Variants in ANP32A observed in about 807,000 individuals in gnomAD.
ANP32A encodes acidic nuclear phosphoprotein 32 family member A.
A neutral mutation model predicts 33.9 loss-of-function variants in ANP32A; 1 was observed. That is an observed-to-expected ratio of 0.03 (90% CI 0.01 to 0.14). The LOEUF (loss-of-function observed/expected upper bound fraction) is 0.14. Ranked by LOEUF, ANP32A falls within the 10% of genes least tolerant of loss-of-function variation. The pLI is 1.00. For missense variants in ANP32A, 155 were observed against 306.0 expected (o/e 0.51, Z 3.68); for synonymous variants, 115 against 120.5 (o/e 0.95, Z 0.30).
chr15:68,814,484 G>GT (rs561587724), intron 1 of ANP32A, among the ~76,000 whole-genome samples: 2 of 152,060 alleles, frequency 1.3e-5, no homozygotes, highest in Admixed American at 6.5e-5. Context: ...GGCCAACTGT[G>GT]TAAGTCTAGA....
At chr15:68,817,845 G>C (rs1013264322) in intron 1 of ANP32A, 5 of 152,200 alleles carry the variant, frequency 3.3e-5, no homozygotes, top group Admixed American at 3.3e-4. Flanking sequence ...CCTCCGCGCG[G>C]GAGGCCGTCG....
chr15:68,788,722 C>T (rs917904528), intron 1 of ANP32A, among the ~76,000 whole-genome samples: 4 of 152,166 alleles, frequency 2.6e-5, no homozygotes, highest in African/African-American at 9.7e-5. Context: ...CCAGCATAGA[C>T]GTGGAAGGAG....
At chr15:68,810,926 G>A (rs1377663338) in intron 1 of ANP32A, among the ~76,000 whole-genome samples, 2 of 151,998 alleles carry the variant, frequency 1.3e-5, no homozygotes, top group Admixed American at 1.3e-4. Context: ...CGGGCGTGGT[G>A]GTGGACACCT....
At chr15:68,809,113 C>T (rs535996293) in intron 1 of ANP32A, among the ~76,000 whole-genome samples, 3 of 152,292 alleles carry the variant, frequency 2.0e-5, no homozygotes, top group African/African-American at 7.2e-5. Context: ...TCTGTGGGAC[C>T]CCAGGGGTGA....
chr15:68,800,786 T>C (rs1219157663), intron 1 of ANP32A, among the ~76,000 whole-genome samples: 1 of 132,678 alleles, frequency 7.5e-6, no homozygotes, highest in Non-Finnish European at 1.7e-5. Flanking sequence ...AGAAAAGCAA[T>C]AGTGACAAGG....
chr15:68,807,554 A>G (rs1382340782), intron 1 of ANP32A, among the ~76,000 whole-genome samples: 1 of 151,914 alleles, frequency 6.6e-6, no homozygotes, highest in Non-Finnish European at 1.5e-5. Context: ...CCACCCCAGC[A>G]AGCACCTTCT....
At chr15:68,786,840 T>G (rs1439933432) in intron 3 of ANP32A, among the ~76,000 whole-genome samples, 1 of 152,112 alleles carries the variant, frequency 6.6e-6, no homozygotes, top group African/African-American at 2.4e-5. Context: ...GAGAGCCTGT[T>G]CACTATCGCA....
rs554512907 is a variant in ANP32A, at chr15:68,800,671, G to C, written c.55-12752C>G. 3.0e-3 allele frequency among the ~76,000 whole-genome samples: 395 copies of C among 130,584 alleles called. 4 individuals carry two copies. Among genetic ancestry groups the C allele is most frequent in the African/African-American group, 0.011 (381 of 35,088 alleles). The allele number at this position is 130,584 out of a possible 152,430, so 85.7% of individuals were successfully genotyped here. A position where few individuals can be genotyped will look rare whatever the true frequency, so the allele number is the denominator to read the frequency against. On this transcript the variant is annotated intron_variant, in intron 1 of 6. Transcript: ENST00000465139. ...AGGCAGGAGAATGGCGTGAACCAGG[G>C]AGGCGGAGCTTGCAGTGAGCCGAGA...
At chr15:68,807,244 T>C (rs1411492823) in intron 1 of ANP32A, among the ~76,000 whole-genome samples, 4 of 152,144 alleles carry the variant, frequency 2.6e-5, no homozygotes. Flanking sequence ...GATAAAGGAC[T>C]GGGAGAGGCT....
intron 1 of ANP32A, chr15:68,791,043 C>T (rs1414538481): frequency 1.3e-5 from 2 of 152,178 alleles, no homozygotes; most frequent in East Asian, 1.9e-4. Context: ...AAAGCAAAGC[C>T]GAGAAAGGTT....
At chr15:68,787,152 C>A (rs1258162605) in intron 3 of ANP32A, 2 of 423,002 alleles carry the variant, frequency 4.7e-6, no homozygotes, top group Non-Finnish European at 8.6e-6. Flanking sequence ...AAGCAGGAGA[C>A]CAGAAATTGA....
In ANP32A at chr15:68,780,055, G is replaced by C. The variant is rs904450530; in HGVS notation, c.*26C>G. On this transcript the variant is annotated 3_prime_UTR_variant, in exon 7 of 7. Coordinates refer to ENST00000465139, the MANE Select transcript of ANP32A (RefSeq NM_006305.4). This position sits in a 1 kb window ranked among gnomAD's most constrained non-coding sequence, Gnocchi z 4.3. The stretch of plus-strand genomic sequence containing the variant: ...GGTAAAAACAGTCAAATCACAATAG[G>C]AATTTTTCAAAATAGGTTATTCCAC... 1 of 1,610,432 alleles carries C rather than the reference G, an allele frequency of 6.2e-7. No individual in the cohort carries two copies. Among genetic ancestry groups the C allele is most frequent in the African/African-American group, 1.3e-5 (1 of 74,626 alleles).
At chr15:68,816,843 C>T (rs1442521329) in intron 1 of ANP32A, among the ~76,000 whole-genome samples, 2 of 152,206 alleles carry the variant, frequency 1.3e-5, no homozygotes, top group African/African-American at 4.8e-5. Context: ...CTACTATCAG[C>T]AGCAGAACTC....
chr15:68,786,116 A>C, intron 3 of ANP32A, among the ~76,000 whole-genome samples: 1 of 152,266 alleles, frequency 6.6e-6, no homozygotes, highest in African/African-American at 2.4e-5. Context: ...TTGGGACAGA[A>C]ACCCTGAAAA....
chr15:68,779,976 G>GA lies in ANP32A; in HGVS notation c.*104dup. On this transcript the variant is annotated 3_prime_UTR_variant, in exon 7 of 7. Coordinates refer to ENST00000465139, the MANE Select transcript of ANP32A (RefSeq NM_006305.4). The stretch of plus-strand genomic sequence containing the variant: ...CGTTCCCACAGCAACGTTACAATCA[G>GA]AAAAAAATAAGTTTCAGGGGGCAGG... 5 of 967,314 alleles carry GA rather than the reference G, an allele frequency of 5.2e-6. No homozygotes were observed. Among genetic ancestry groups the GA allele is most frequent in the Non-Finnish European group, 5.8e-6 (4 of 683,864 alleles). The allele number at this position is 967,314 out of a possible 1,614,324, so 59.9% of individuals were successfully genotyped here. A position where few individuals can be genotyped will look rare whatever the true frequency, so the allele number is the denominator to read the frequency against.
At chr15:68,786,744 T>C (rs1893938275) in intron 3 of ANP32A, among the ~76,000 whole-genome samples, 1 of 152,190 alleles carries the variant, frequency 6.6e-6, no homozygotes, top group South Asian at 2.1e-4. Flanking sequence ...GACCTGCCCC[T>C]TTCTGGCTGG....
At chr15:68,790,095 T>C (rs1893981068) in intron 1 of ANP32A, 1 of 152,314 alleles carries the variant, frequency 6.6e-6, no homozygotes, top group Non-Finnish European at 1.5e-5. Flanking sequence ...TCGTTTGCAG[T>C]AAACACTGGA....
At chr15:68,816,973 T>A (rs1327969991) in intron 1 of ANP32A, among the ~76,000 whole-genome samples, 2 of 152,196 alleles carry the variant, frequency 1.3e-5, no homozygotes, top group African/African-American at 4.8e-5. Flanking sequence ...TAAGTCAGCC[T>A]GGAAAACATC....
chr15:68,805,984 G>A (rs1894216263), intron 1 of ANP32A, among the ~76,000 whole-genome samples: 2 of 152,196 alleles, frequency 1.3e-5, no homozygotes, highest in South Asian at 4.1e-4. Flanking sequence ...TGGAATGAAT[G>A]AATGAATGAT....
Sources: allele counts gnomAD v4.1 joint callset (sites outside exome capture counted in the v4.1 genomes callset), GRCh38; gene constraint gnomAD v4.1.1; non-coding constraint Gnocchi (gnomAD v3.1); transcripts MANE v1.5; gene names NCBI Gene and HGNC (gene_info 2026-07-23, HGNC 2026-07-21).